Variants in CABCOCO1 observed in about 807,000 individuals in gnomAD.
CABCOCO1 encodes ciliary associated calcium binding coiled-coil 1.
A neutral mutation model predicts 35.7 loss-of-function variants in CABCOCO1; 28 were observed. That is an observed-to-expected ratio of 0.78 (90% CI 0.58 to 1.07). The LOEUF is 1.07. Among genes scored for constraint, CABCOCO1 ranks in the 50% least tolerant of loss-of-function variants. The pLI, the probability that CABCOCO1 is intolerant of heterozygous loss-of-function variation, is 0.00. For synonymous variants in CABCOCO1, 95 were observed against 100.1 expected (o/e 0.95, Z 0.30); for missense variants, 326 against 309.2 (o/e 1.05, Z -0.41).
chr10:61,713,423 G>A (rs1385614257), intron 5 of CABCOCO1, among the ~76,000 whole-genome samples: 4 of 152,124 alleles, frequency 2.6e-5, no homozygotes, highest in Non-Finnish European at 4.4e-5. Context: ...TGAAACGATG[G>A]GGTTTTCTAA....
chr10:61,711,111 A>C (rs934173504), intron 5 of CABCOCO1, among the ~76,000 whole-genome samples: 1 of 151,786 alleles, frequency 6.6e-6, no homozygotes, highest in Non-Finnish European at 1.5e-5. Flanking sequence ...TTTAAACCGA[A>C]CTAAATCAGT....
At chr10:61,757,239 A>T (rs901116177) in intron 5 of CABCOCO1, among the ~76,000 whole-genome samples, 1 of 152,058 alleles carries the variant, frequency 6.6e-6, no homozygotes, top group African/African-American at 2.4e-5. Flanking sequence ...CTTGCTTTTT[A>T]AAAAGGCTAC....
chr10:61,748,520 G>A (rs551948852), intron 5 of CABCOCO1, among the ~76,000 whole-genome samples: 1 of 152,314 alleles, frequency 6.6e-6, no homozygotes, highest in South Asian at 2.1e-4. Context: ...AAAACACGCA[G>A]TGGGTGACCA....
chr10:61,695,246 C>A (rs572902219), intron 5 of CABCOCO1, among the ~76,000 whole-genome samples: 3 of 150,622 alleles, frequency 2.0e-5, no homozygotes, highest in African/African-American at 4.9e-5. Context: ...ATGTGTTTAA[C>A]AAGTTAGTCC....
At chr10:61,729,028 A>G (rs1013892367) in intron 5 of CABCOCO1, among the ~76,000 whole-genome samples, 1 of 152,174 alleles carries the variant, frequency 6.6e-6, no homozygotes. Flanking sequence ...GAAGGGAGTT[A>G]TATTTGTGGT....
chr10:61,718,802 T>A (rs1181791977), intron 5 of CABCOCO1, among the ~76,000 whole-genome samples: 1 of 152,182 alleles, frequency 6.6e-6, no homozygotes, highest in East Asian at 1.9e-4. Context: ...TTTTACCACA[T>A]CTAACAGCTT....
intron 5 of CABCOCO1, among the ~76,000 whole-genome samples, chr10:61,703,767 C>T (rs533398972): frequency 6.6e-6 from 1 of 152,104 alleles, no homozygotes; most frequent in African/African-American, 2.4e-5. Flanking sequence ...TCCTGCTGCC[C>T]CCTACACACA....
At chr10:61,672,416 T>C (rs1187745225) in intron 1 of CABCOCO1, among the ~76,000 whole-genome samples, 1 of 152,192 alleles carries the variant, frequency 6.6e-6, no homozygotes, top group Non-Finnish European at 1.5e-5. Flanking sequence ...CAGTTGTACA[T>C]ATGCCCAAAA....
chr10:61,709,136 A>T (rs1840665284), intron 5 of CABCOCO1, among the ~76,000 whole-genome samples: 2 of 152,208 alleles, frequency 1.3e-5, no homozygotes, highest in African/African-American at 4.8e-5. Flanking sequence ...AATATTTAAC[A>T]TTCAACAGTT....
intron 5 of CABCOCO1, among the ~76,000 whole-genome samples, chr10:61,734,048 C>T (rs1283370025): frequency 1.3e-5 from 2 of 151,974 alleles, no homozygotes; most frequent in African/African-American, 2.4e-5. Flanking sequence ...TACTTCCCCC[C>T]GCTTACCCCC....
intron 2 of CABCOCO1, among the ~76,000 whole-genome samples, chr10:61,680,822 G>A (rs1256088952): frequency 6.9e-6 from 1 of 144,602 alleles, no homozygotes; most frequent in Non-Finnish European, 1.5e-5. Context: ...GAAAAAAGAC[G>A]TTGAATTTCA....
intron 5 of CABCOCO1, among the ~76,000 whole-genome samples, chr10:61,722,364 A>T (rs976136930): frequency 1.3e-5 from 2 of 152,262 alleles, no homozygotes; most frequent in Non-Finnish European, 1.5e-5. Context: ...GCTGTTGCAA[A>T]TTTTTTAATT....
rs773408440 is a variant in CABCOCO1 at position 61,663,004 on chromosome 10, C to CCCCGGCAGGGCCGAT, written c.38_39insAGGGCCGATCCCGGC (p.Gly14_Thr15insProIleProAlaGly). The CCCCGGCAGGGCCGAT allele has an allele frequency of 5.8e-6, 2 of 343,276 alleles. No homozygotes were observed. Among genetic ancestry groups the CCCCGGCAGGGCCGAT allele is most frequent in the South Asian group, 4.1e-5 (2 of 48,488 alleles). 21.3% of individuals were successfully genotyped at this position (343,276 alleles called of 1,614,324 possible). A position where few individuals can be genotyped will look rare whatever the true frequency, so the allele number is the denominator to read the frequency against. ...CAGGGGACGACTCCCTGGGGGCCGA[C>CCCCGGCAGGGCCGAT]CCCGGCGGGAACCACGCCCGAATCG... On this transcript the variant is annotated inframe_insertion, in exon 1 of 8. Coordinates refer to ENST00000648843, the MANE Select transcript of CABCOCO1 (RefSeq NM_001366906.2).
intron 5 of CABCOCO1, among the ~76,000 whole-genome samples, chr10:61,759,500 T>A (rs1841963930): frequency 1.3e-5 from 2 of 152,024 alleles, no homozygotes; most frequent in African/African-American, 4.8e-5. Flanking sequence ...TGTTAAATAC[T>A]CATAGTGAAG....
intron 5 of CABCOCO1, among the ~76,000 whole-genome samples, chr10:61,726,162 T>C (rs1321367097): frequency 2.0e-5 from 3 of 152,218 alleles, no homozygotes; most frequent in Middle Eastern, 3.2e-3. Context: ...AAGAAGTTAA[T>C]TCAATATGTG....
rs71018990 is a variant in CABCOCO1 at position 61,678,543 on chromosome 10, CAT to C, written c.165-2587_165-2586del. On this transcript the variant is annotated intron_variant, in intron 2 of 7. Transcript: ENST00000648843. ...AAAAATTAAAAATACACAATGTTCACATATATATATATATGACATAACAGGAA... is the reference window on the plus strand; with the variant it reads ...AAAAATTAAAAATACACAATGTTCACATATATATATATGACATAACAGGAA... Among the ~76,000 whole-genome samples the C allele has an allele frequency of 4.6e-3, 687 of 150,196 alleles. 2 individuals are homozygous for C. The highest frequency in any genetic ancestry group is 0.011 in the African/African-American group (444 of 41,080).
chr10:61,749,455 A>G (rs1157990274), intron 5 of CABCOCO1, among the ~76,000 whole-genome samples: 1 of 152,212 alleles, frequency 6.6e-6, no homozygotes, highest in Non-Finnish European at 1.5e-5. Context: ...AATGCTTTTT[A>G]TATCTTGCCA....
chr10:61,668,549 C>G (rs193112704), intron 1 of CABCOCO1, among the ~76,000 whole-genome samples: 5 of 152,028 alleles, frequency 3.3e-5, no homozygotes, highest in Non-Finnish European at 7.4e-5. Flanking sequence ...TGAGAACTTA[C>G]ATTTTCCCAG....
At chr10:61,711,809 C>G (rs1295527894) in intron 5 of CABCOCO1, among the ~76,000 whole-genome samples, 1 of 151,636 alleles carries the variant, frequency 6.6e-6, no homozygotes, top group Non-Finnish European at 1.5e-5. Flanking sequence ...ACAGAAAATC[C>G]CAAATATGTA....
Sources: gnomAD v4.1 joint callset for allele counts (sites outside exome capture counted in the v4.1 genomes callset) on GRCh38, gnomAD v4.1.1 for gene constraint, MANE v1.5 for transcripts, NCBI Gene and HGNC (gene_info 2026-07-23, HGNC 2026-07-21) for gene names.